The following PDE8B variants were observed in gnomAD, a reference collection of about 807,000 sequenced individuals.
PDE8B encodes phosphodiesterase 8B, also known as high affinity cAMP-specific and IBMX-insensitive 3',5'-cyclic phosphodiesterase 8B.
Under a neutral mutation model 101.3 loss-of-function variants are expected in PDE8B, and 26 were observed. The observed-to-expected ratio is 0.26, with a 90% CI of 0.19 to 0.36. The LOEUF (loss-of-function observed/expected upper bound fraction) is 0.36. Among genes scored for constraint, PDE8B ranks in the 10% least tolerant of loss-of-function variants. The pLI, the probability that PDE8B is intolerant of heterozygous loss-of-function variation, is 1.00. For missense variants in PDE8B, 810 were observed against 1,163.1 expected (o/e 0.70, Z 4.42); for synonymous variants, 424 against 429.3 (o/e 0.99, Z 0.15).
intron 1 of PDE8B, among the ~76,000 whole-genome samples, chr5:77,274,267 T>A (rs145273060): frequency 6.6e-6 from 1 of 152,218 alleles, no homozygotes; most frequent in African/African-American, 2.4e-5. Flanking sequence ...ATTTGCATTA[T>A]AGAGGTAAAT....
At chr5:77,298,107 G>T (rs1561488440) in intron 1 of PDE8B, among the ~76,000 whole-genome samples, 1 of 152,120 alleles carries the variant, frequency 6.6e-6, no homozygotes, top group Non-Finnish European at 1.5e-5. Context: ...ACTAAATATT[G>T]GTGCTACTCT....
chr5:77,378,849 T>G (rs2150770145), intron 10 of PDE8B, among the ~76,000 whole-genome samples: 1 of 152,336 alleles, frequency 6.6e-6, no homozygotes, highest in East Asian at 1.9e-4. Context: ...TTCAGGTGAT[T>G]TTGATTCATG....
intron 10 of PDE8B, among the ~76,000 whole-genome samples, chr5:77,378,799 A>G (rs1034552667): frequency 3.3e-5 from 5 of 152,078 alleles, no homozygotes; most frequent in Non-Finnish European, 7.4e-5. Context: ...TGAGTCAGCA[A>G]CTCTGGGGAT....
At chr5:77,217,460 A>G (rs1002014331) in intron 1 of PDE8B, among the ~76,000 whole-genome samples, 28 of 152,212 alleles carry the variant, frequency 1.8e-4, no homozygotes, top group African/African-American at 6.5e-4. Context: ...AAATGTGTCC[A>G]GGAATTTATT....
chr5:77,210,186 AG>A (rs935560624), upstream of PDE8B, among the ~76,000 whole-genome samples: 3 of 152,108 alleles, frequency 2.0e-5, no homozygotes, highest in Non-Finnish European at 4.4e-5. The surrounding 1 kb of genome is among the most constrained non-coding windows in gnomAD (Gnocchi z 4.9). Context: ...ACAGCCCTTC[AG>A]GGGAAGAGGG....
chr5:77,160,178 A>G, the PDE8B span, among the ~76,000 whole-genome samples: 4 of 152,312 alleles, frequency 2.6e-5, no homozygotes, highest in African/African-American at 9.6e-5. Flanking sequence ...CATTCCTACT[A>G]AAGAGCTGAA....
intron 1 of PDE8B, among the ~76,000 whole-genome samples, chr5:77,256,583 G>T (rs568261215): frequency 6.6e-6 from 1 of 152,274 alleles, no homozygotes; most frequent in East Asian, 1.9e-4. Context: ...GACAGAGGGA[G>T]ACCTTGGCTC....
chr5:77,353,692 G>A (rs1333307319), intron 10 of PDE8B, among the ~76,000 whole-genome samples: 1 of 152,034 alleles, frequency 6.6e-6, no homozygotes, highest in African/African-American at 2.4e-5. Flanking sequence ...AATAAAAAAT[G>A]TTCTATTTTT....
chr5:77,097,889 T>A, the PDE8B span, among the ~76,000 whole-genome samples: 2,446 of 149,984 alleles, frequency 0.016, 70 homozygotes, highest in African/African-American at 0.057. Flanking sequence ...GAGGTCCTTG[T>A]TACTATTTGG....
rs551660615 is a variant in PDE8B at position 77,416,789 on chromosome 5, T to A, written c.1912-1440T>A. 1.2e-4 allele frequency among the ~76,000 whole-genome samples: 19 copies of A among 152,298 alleles called. No individual in the cohort carries two copies. The East Asian group carries it at 3.7e-3, about 29-fold the overall frequency. Reference sequence around the variant, plus strand: ...GAGCTACAGGTTCACCTTCCTCACCTGAGTAGCAGCTCTTCCTCCTGCAGG... The same window carrying A: ...GAGCTACAGGTTCACCTTCCTCACCAGAGTAGCAGCTCTTCCTCCTGCAGG... On this transcript the variant is annotated intron_variant, in intron 17 of 21. Transcript: ENST00000264917.
chr5:77,183,928 AATT>A, the PDE8B span, among the ~76,000 whole-genome samples: 2 of 151,938 alleles, frequency 1.3e-5, no homozygotes, highest in African/African-American at 4.8e-5. Context: ...CTAGGGGTGG[AATT>A]ATTATGTGAA....
intron 20 of PDE8B, among the ~76,000 whole-genome samples, chr5:77,424,935 C>T (rs73764873): frequency 0.17 from 25,463 of 151,930 alleles, 2,716 homozygotes; most frequent in African/African-American, 0.31. Flanking sequence ...AGCGAACCTC[C>T]TGCCTTGACC....
the PDE8B span, among the ~76,000 whole-genome samples, chr5:77,196,447 C>G: frequency 1.3e-5 from 2 of 152,204 alleles, no homozygotes; most frequent in East Asian, 3.9e-4. Flanking sequence ...TTAGTTTGTA[C>G]ATGGGATGAG....
At chr5:77,273,375 G>A (rs375409821) in intron 1 of PDE8B, among the ~76,000 whole-genome samples, 6 of 152,076 alleles carry the variant, frequency 3.9e-5, no homozygotes, top group Non-Finnish European at 5.9e-5. Context: ...AAATATGATC[G>A]TTTATTAATT....
the PDE8B span, among the ~76,000 whole-genome samples, chr5:77,111,208 C>G: frequency 1.3e-5 from 2 of 152,054 alleles, no homozygotes; most frequent in Non-Finnish European, 2.9e-5. Flanking sequence ...ACTTGGATGG[C>G]AGCAATAGAA....
chr5:77,228,266 CT>C (rs1743161485), intron 1 of PDE8B, among the ~76,000 whole-genome samples: 1 of 152,164 alleles, frequency 6.6e-6, no homozygotes, highest in Non-Finnish European at 1.5e-5. Flanking sequence ...GAGAGACAGT[CT>C]CTTTTATCAG....
chr5:77,117,290 G>A, the PDE8B span, among the ~76,000 whole-genome samples: 2 of 152,126 alleles, frequency 1.3e-5, no homozygotes, highest in African/African-American at 4.8e-5. Flanking sequence ...GGATGTTTCT[G>A]TTATATATAT....
intron 10 of PDE8B, among the ~76,000 whole-genome samples, chr5:77,373,070 TC>T (rs1180854017): frequency 1.3e-5 from 2 of 152,132 alleles, no homozygotes; most frequent in Non-Finnish European, 1.5e-5. Flanking sequence ...CTCTTTCATT[TC>T]TTTATTTGTG....
intron 1 of PDE8B, among the ~76,000 whole-genome samples, chr5:77,231,807 T>C (rs1753634468): frequency 6.6e-6 from 1 of 152,214 alleles, no homozygotes; most frequent in African/African-American, 2.4e-5. Flanking sequence ...GAGGGGCCCC[T>C]GGCATAAGCG....
Sources: gnomAD v4.1 joint callset for allele counts (sites outside exome capture counted in the v4.1 genomes callset) on GRCh38, gnomAD v4.1.1 for gene constraint, Gnocchi (gnomAD v3.1) non-coding constraint, MANE v1.5 for transcripts, NCBI Gene and HGNC (gene_info 2026-07-23, HGNC 2026-07-21) for gene names.